The following KAZN variants were observed in gnomAD, a reference collection of about 807,000 sequenced individuals.
The protein encoded by KAZN is kazrin.
Under a neutral mutation model 87.4 loss-of-function variants are expected in KAZN, and 40 were observed. That is an observed-to-expected ratio of 0.46 (90% CI 0.36 to 0.60). The LOEUF (loss-of-function observed/expected upper bound fraction) is 0.60. Ranked by LOEUF, KAZN falls within the 20% of genes least tolerant of loss-of-function variation. KAZN has a pLI of 0.00. For synonymous variants in KAZN, 466 were observed against 458.3 expected (o/e 1.02, Z -0.22); for missense variants, 898 against 1,073.9 (o/e 0.84, Z 2.29).
rs117575143 is a variant in KAZN, at chr1:14,276,780, G to A, written c.249+96188G>A. Among the ~76,000 whole-genome samples the A allele has an allele frequency of 6.9e-3, 1,049 of 152,260 alleles. 30 individuals carry two copies. In the East Asian group the frequency reaches 0.087, roughly 13 times the overall value. ...AATAAGCTCACATTCACAGGTACTA[G>A]AGGTCACAACTTCAACATCTTTTGG... On this transcript the variant is annotated intron_variant, in intron 2 of 16. Coordinates refer to the KAZN transcript ENST00000636203.
At chr1:14,861,681 A>T (rs1019775898) in intron 1 of KAZN, among the ~76,000 whole-genome samples, 1 of 152,108 alleles carries the variant, frequency 6.6e-6, no homozygotes, top group South Asian at 2.1e-4. Context: ...GGTCCTGAGC[A>T]TTACAGTCCC....
intron 1 of KAZN, among the ~76,000 whole-genome samples, chr1:14,028,176 C>T (rs1174881902): frequency 7.2e-6 from 1 of 139,572 alleles, no homozygotes; most frequent in Non-Finnish European, 1.5e-5. Flanking sequence ...GGGTGCAGCT[C>T]TTTATTTATG....
intron 1 of KAZN, among the ~76,000 whole-genome samples, chr1:13,911,569 C>T (rs901851649): frequency 6.6e-6 from 1 of 152,130 alleles, no homozygotes; most frequent in Non-Finnish European, 1.5e-5. Context: ...ATGGTTGAGT[C>T]AGAAGAAATG....
At chr1:14,220,573 C>T (rs145935003) in intron 2 of KAZN, among the ~76,000 whole-genome samples, 278 of 152,274 alleles carry the variant, frequency 1.8e-3, no homozygotes, top group African/African-American at 6.5e-3. Flanking sequence ...AGGGTCTACC[C>T]TCATTCCCTA....
chr1:14,883,122 C>T (rs1557585550), intron 1 of KAZN, among the ~76,000 whole-genome samples: 1 of 151,574 alleles, frequency 6.6e-6, no homozygotes, highest in Non-Finnish European at 1.5e-5. Context: ...ATGGAGAAAC[C>T]CCATCTCTAC....
At chr1:15,055,937 C>A (rs957984970) in intron 4 of KAZN, among the ~76,000 whole-genome samples, 154 bp from the exon 5 acceptor site, 2 of 152,192 alleles carry the variant, frequency 1.3e-5, no homozygotes, top group African/African-American at 4.8e-5. Context: ...GCGGGGCAGG[C>A]GCTTGACTTA....
intron 1 of KAZN, among the ~76,000 whole-genome samples, chr1:14,648,262 G>A (rs937837669): frequency 6.6e-6 from 1 of 152,224 alleles, no homozygotes; most frequent in African/African-American, 2.4e-5. Context: ...CTGGGCATGG[G>A]AATAGAGACT....
chr1:14,737,766 T>G (rs746370991), intron 1 of KAZN, among the ~76,000 whole-genome samples: 5 of 152,130 alleles, frequency 3.3e-5, no homozygotes, highest in Non-Finnish European at 7.4e-5. Context: ...ACTGTTCTCT[T>G]GATGGCTGTT....
intron 2 of KAZN, among the ~76,000 whole-genome samples, chr1:14,236,420 AG>A (rs1335440546): frequency 6.6e-6 from 1 of 152,156 alleles, no homozygotes; most frequent in Admixed American, 6.5e-5. Flanking sequence ...AAGATAACTC[AG>A]GGTAGGAAAA....
At chr1:14,083,481 C>A (rs1482316850) in intron 1 of KAZN, among the ~76,000 whole-genome samples, 1 of 152,132 alleles carries the variant, frequency 6.6e-6, no homozygotes, top group Non-Finnish European at 1.5e-5. Context: ...AGATGATGAG[C>A]AACATGAATG....
intron 1 of KAZN, among the ~76,000 whole-genome samples, chr1:14,064,008 T>C (rs76539423): frequency 0.017 from 2,537 of 150,822 alleles, 58 homozygotes; most frequent in East Asian, 0.073. Flanking sequence ...CCTCCACCTC[T>C]TGGGTTCAAG....
At chr1:14,776,358 C>T (rs12143023) in intron 1 of KAZN, among the ~76,000 whole-genome samples, 65,946 of 152,000 alleles carry the variant, frequency 0.43, 14,908 homozygotes, top group East Asian at 0.62. Context: ...GGTGGGCATA[C>T]CTCATGCTTC....
chr1:14,453,202 G>A (rs372075299), intron 2 of KAZN, among the ~76,000 whole-genome samples: 4 of 151,890 alleles, frequency 2.6e-5, no homozygotes, highest in East Asian at 3.9e-4. Context: ...TGATCCGCCC[G>A]CCTCGGCCTC....
rs565194024 is a variant in KAZN at position 13,972,540 on chromosome 1, G to A, written c.91+78784G>A. ...ATCCAGAGCTCTATGATCCATGATT[G>A]GGTCTGTATTATTTCTATAACACCA... is the stretch of plus-strand genomic sequence containing the variant. On this transcript the variant is annotated intron_variant, in intron 1 of 16. Coordinates refer to the KAZN transcript ENST00000636203. Among the ~76,000 whole-genome samples the A allele has an allele frequency of 3.3e-5, 5 of 152,228 alleles. No homozygotes were observed. The South Asian group carries it at 1.0e-3, about 32-fold the overall frequency.
At chr1:14,235,202 A>G (rs143014129) in intron 2 of KAZN, among the ~76,000 whole-genome samples, 4 of 152,348 alleles carry the variant, frequency 2.6e-5, no homozygotes, top group Admixed American at 2.6e-4. Context: ...ATTCATCCAT[A>G]AACAAAATGT....
chr1:14,660,226 G>T (rs1158433047), intron 1 of KAZN, among the ~76,000 whole-genome samples: 1 of 152,136 alleles, frequency 6.6e-6, no homozygotes, highest in Non-Finnish European at 1.5e-5. Flanking sequence ...CCATAACCGG[G>T]CAATGGACCC....
At chr1:15,072,596 C>T (rs958161313) in intron 8 of KAZN, among the ~76,000 whole-genome samples, 7 of 152,194 alleles carry the variant, frequency 4.6e-5, no homozygotes, top group African/African-American at 1.7e-4. Context: ...TTGTGCCAAG[C>T]ACTGTTCTAA....
chr1:14,362,968 C>G (rs964696587), intron 2 of KAZN, among the ~76,000 whole-genome samples: 2 of 152,162 alleles, frequency 1.3e-5, no homozygotes, highest in African/African-American at 4.8e-5. Context: ...GCAAAGGCAG[C>G]ACAGAACTTT....
Position 15,101,840 on chromosome 1 carries a change from G to C in KAZN, c.1779+66G>C, listed in dbSNP as rs915285916. 68 of 1,078,044 alleles carry C rather than the reference G, an allele frequency of 6.3e-5. 1 individual carries two copies. In the African/African-American group the frequency reaches 8.7e-4, roughly 14 times the overall value. The allele number at this position is 1,078,044 out of a possible 1,614,324, so 66.8% of individuals were successfully genotyped here. On this transcript the variant is annotated intron_variant, in intron 11 of 14. Coordinates refer to ENST00000376030, the MANE Select transcript of KAZN (RefSeq NM_201628.3). ...CACCCCTCCCCTCTTGGCATCTACT[G>C]TCTGTTCATCTGTCCACCCACTACC... is the stretch of plus-strand genomic sequence containing the variant.
Sources: allele counts gnomAD v4.1 joint callset (sites outside exome capture counted in the v4.1 genomes callset), GRCh38; gene constraint gnomAD v4.1.1; transcripts MANE v1.5; gene names NCBI Gene and HGNC (gene_info 2026-07-23, HGNC 2026-07-21).